The following MCTP2 variants were observed in gnomAD, a reference collection of about 807,000 sequenced individuals.
MCTP2 encodes multiple C2 and transmembrane domain-containing protein 2.
A neutral mutation model predicts 111.6 loss-of-function variants in MCTP2; 132 were observed. That is an observed-to-expected ratio of 1.18 (90% CI 1.03 to 1.37). MCTP2 has a LOEUF of 1.37. Among genes scored for constraint, MCTP2 ranks in the 40% most tolerant of loss-of-function variants. MCTP2 has a pLI of 0.00. For missense variants in MCTP2, 1,183 were observed against 1,067.9 expected (o/e 1.11, Z -1.50); for synonymous variants, 395 against 387.7 (o/e 1.02, Z -0.22).
At chr15:94,240,727 T>C (rs1405483017) in intron 1 of MCTP2, among the ~76,000 whole-genome samples, 1 of 152,186 alleles carries the variant, frequency 6.6e-6, no homozygotes, top group Non-Finnish European at 1.5e-5. Flanking sequence ...GAAAAGTCTC[T>C]ATCCTTTATC....
chr15:94,312,589 G>A (rs1050890874), intron 2 of MCTP2, among the ~76,000 whole-genome samples: 4 of 152,196 alleles, frequency 2.6e-5, no homozygotes, highest in East Asian at 1.9e-4. Flanking sequence ...GATCCTGTGC[G>A]AATTAACCTG....
intron 14 of MCTP2, among the ~76,000 whole-genome samples, chr15:94,391,520 T>C (rs1173438843): frequency 2.6e-5 from 4 of 152,190 alleles, no homozygotes; most frequent in African/African-American, 7.2e-5. Context: ...GCAGTGTGCA[T>C]AGGTGAAAAG....
At chr15:94,238,962 T>C (rs1035237852) in intron 1 of MCTP2, among the ~76,000 whole-genome samples, 39 of 150,618 alleles carry the variant, frequency 2.6e-4, no homozygotes, top group African/African-American at 9.0e-4. Context: ...ACGCCCATGT[T>C]CTGTGAAGGG....
chr15:94,476,167 T>C (rs1321663596), intron 21 of MCTP2, among the ~76,000 whole-genome samples: 2 of 152,172 alleles, frequency 1.3e-5, no homozygotes, highest in African/African-American at 2.4e-5. Context: ...CGGTTTTCTT[T>C]GTAACAACAA....
At chr15:94,393,831 C>T (rs1185914698) in intron 14 of MCTP2, among the ~76,000 whole-genome samples, 1 of 151,994 alleles carries the variant, frequency 6.6e-6, no homozygotes, top group Non-Finnish European at 1.5e-5. Flanking sequence ...GGGTGGATCA[C>T]CTGAGGTCAG....
chr15:94,376,209 C>A (rs1008821467), intron 12 of MCTP2, among the ~76,000 whole-genome samples: 2 of 152,142 alleles, frequency 1.3e-5, no homozygotes, highest in Non-Finnish European at 2.9e-5. Context: ...GGTCTGTCCC[C>A]CACACAGATT....
chr15:94,364,416 C>T (rs2079084306), intron 10 of MCTP2, among the ~76,000 whole-genome samples: 1 of 152,108 alleles, frequency 6.6e-6, no homozygotes, highest in South Asian at 2.1e-4. Context: ...TGGTCTTCAG[C>T]AGTGACTAGA....
chr15:94,243,258 C>A (rs953209172), intron 1 of MCTP2, among the ~76,000 whole-genome samples: 2 of 148,354 alleles, frequency 1.3e-5, no homozygotes. Context: ...TGCGTATATA[C>A]ATACATACGT....
At chr15:94,313,391 G>A (rs548470996) in intron 2 of MCTP2, among the ~76,000 whole-genome samples, 5 of 152,198 alleles carry the variant, frequency 3.3e-5, no homozygotes, top group South Asian at 2.1e-4. Context: ...TCCTGGGTAC[G>A]AGAAGCATTT....
rs144198602 is a variant in MCTP2, at chr15:94,476,997, A to T, written c.2568+204A>T. Among the ~76,000 whole-genome samples, 13 of 152,286 alleles carry T rather than the reference A, an allele frequency of 8.5e-5. No homozygotes were observed. In the East Asian group the frequency reaches 2.5e-3, roughly 29 times the overall value. On this transcript the variant is annotated intron_variant, in intron 22 of 22. Transcript: ENST00000357742. ...ATTGGGGGAAATTGTTTTGAAAAAG[A>T]GCTACTTAAGTATGATCTGGAACTC...
At chr15:94,245,559 T>C (rs4984375) in intron 1 of MCTP2, among the ~76,000 whole-genome samples, 5 of 143,868 alleles carry the variant, frequency 3.5e-5, no homozygotes, top group African/African-American at 1.0e-4. Context: ...TATATATGTA[T>C]ACATATATGT....
rs2083856332 is a variant in MCTP2, at chr15:94,442,818, A to G, written c.2209-101A>G. The G allele has an allele frequency of 1.1e-5, 10 of 935,740 alleles. No homozygotes were observed. The South Asian group carries it at 1.4e-4, about 13-fold the overall frequency. 58.0% of individuals were successfully genotyped at this position (935,740 alleles called of 1,614,324 possible). ...GTTGTAATGCATTTCAAAAATATAA[A>G]TGCTTGAAGTCTGTAGGCAAGCTTT... is the stretch of plus-strand genomic sequence containing the variant. On this transcript the variant is annotated intron_variant, in intron 18 of 22. Coordinates refer to ENST00000357742, the MANE Select transcript of MCTP2 (RefSeq NM_001385001.1).
rs528663576 is a variant in MCTP2, at chr15:94,404,489, A to G, written c.2085+2470A>G. 9.9e-4 allele frequency among the ~76,000 whole-genome samples: 150 copies of G among 151,824 alleles called. 1 individual carries two copies. The highest frequency in any genetic ancestry group is 2.4e-4 in the Non-Finnish European group (16 of 67,902). On this transcript the variant is annotated intron_variant, in intron 17 of 22. Coordinates refer to ENST00000357742, the MANE Select transcript of MCTP2 (RefSeq NM_001385001.1). ...GCTAATTTTTGTATTTTTAGTAGAG[A>G]CGGGGTTTCGTCATATTGGCCAGGC...
At chr15:94,240,528 G>A (rs1239014383) in intron 1 of MCTP2, among the ~76,000 whole-genome samples, 1 of 152,108 alleles carries the variant, frequency 6.6e-6, no homozygotes, top group Non-Finnish European at 1.5e-5. Context: ...TAGCTGTTCT[G>A]TGCATTCTCA....
chr15:94,313,091 T>C (rs113282092), intron 2 of MCTP2, among the ~76,000 whole-genome samples: 4,141 of 152,238 alleles, frequency 0.027, 173 homozygotes, highest in African/African-American at 0.092. Flanking sequence ...AATGAAGTTA[T>C]CCAGTCGTCT....
rs184562069 is a variant in MCTP2 at position 94,245,195 on chromosome 15, T to C, written c.-66+13531T>C. 1.5e-4 allele frequency among the ~76,000 whole-genome samples: 21 copies of C among 143,032 alleles called. No homozygotes were observed. The East Asian group carries it at 4.0e-3, about 27-fold the overall frequency. 93.8% of individuals were successfully genotyped at this position (143,032 alleles called of 152,430 possible). A position where few individuals can be genotyped will look rare whatever the true frequency, so the allele number is the denominator to read the frequency against. ...ATGTATAGATTTATACACACATATG[T>C]ATGTATATATTTATACATATGTGTA... On this transcript the variant is annotated intron_variant, in intron 1 of 22. Transcript: ENST00000357742.
At chr15:94,442,560 C>G (rs1443124345) in intron 18 of MCTP2, among the ~76,000 whole-genome samples, 4 of 152,216 alleles carry the variant, frequency 2.6e-5, no homozygotes, top group Non-Finnish European at 5.9e-5. Flanking sequence ...GAGCCCAGCA[C>G]TAGTGGAGTA....
rs553319587 is a variant in MCTP2, at chr15:94,356,196, C to T, written c.1065C>T (p.Asn355=). Residue 355 remains asparagine (N), a synonymous_variant, in exon 9 of 23, where the codon AAC becomes AAT. Transcript: ENST00000357742. ...CCTTGAAAAAGAACCAACTCTGGAA[C>T]GGGATTATAAGTATAACTTTGTTGG... The part of the protein sequence containing the change: ...SESLKKNQLW[N]GIISITLLEG... 2.3e-5 allele frequency: 37 copies of T among 1,612,658 alleles called. No homozygotes were observed. The East Asian group carries it at 3.6e-4, about 16-fold the overall frequency.
At position 94,240,304 on chromosome 15, in the gene MCTP2, C is replaced by T. The variant is rs572420763; in HGVS notation, c.-66+8640C>T. On this transcript the variant is annotated intron_variant, in intron 1 of 22. Transcript: ENST00000357742. The stretch of plus-strand genomic sequence containing the variant: ...GAGACTCAGTGAAACCTAGAACTTG[C>T]ACAAGGTCACCCAACTGGGTTGGAA... Among the ~76,000 whole-genome samples the T allele has an allele frequency of 4.6e-5, 7 of 152,256 alleles. No individual in the cohort carries two copies. In the South Asian group the frequency reaches 1.5e-3, roughly 32 times the overall value.
Sources: gnomAD v4.1 joint callset for allele counts (sites outside exome capture counted in the v4.1 genomes callset) on GRCh38, gnomAD v4.1.1 for gene constraint, MANE v1.5 for transcripts, NCBI Gene and HGNC (gene_info 2026-07-23, HGNC 2026-07-21) for gene names.